Variants in NFIA observed in about 807,000 individuals in gnomAD.
NFIA encodes nuclear factor 1 A-type.
In NFIA, 8 loss-of-function variants were observed where a neutral mutation model predicts 62.8. That is an observed-to-expected ratio of 0.13 (90% confidence interval 0.07 to 0.23). The LOEUF (loss-of-function observed/expected upper bound fraction) is 0.23. Ranked by LOEUF, NFIA falls within the 10% of genes least tolerant of loss-of-function variation. NFIA has a pLI of 1.00. For synonymous variants in NFIA, 235 were observed against 238.1 expected, an observed-to-expected ratio of 0.99 and a Z score of 0.12; for missense variants, 410 against 642.1, an observed-to-expected ratio of 0.64 and a Z score of 3.91.
chr1:61,313,951 A>C (rs1660240908), intron 3 of NFIA, among the ~76,000 whole-genome samples: 1 of 152,242 alleles, frequency 6.6e-6, no homozygotes, highest in Non-Finnish European at 1.5e-5. Context: ...AAATTATAAT[A>C]TGTAATAGCA....
chr1:61,142,241 A>G (rs1436443537), intron 2 of NFIA, among the ~76,000 whole-genome samples: 3 of 152,208 alleles, frequency 2.0e-5, no homozygotes, highest in Non-Finnish European at 2.9e-5. Flanking sequence ...CAAATGAGAA[A>G]TTATGTTGCA....
rs138954244 is a variant in NFIA, at chr1:61,411,693, A to G, written c.1420+4966A>G. Among the ~76,000 whole-genome samples, 472 of 151,970 alleles carry G rather than the reference A, an allele frequency of 3.1e-3. 2 individuals are homozygous for G. The highest frequency in any genetic ancestry group is 0.011 in the African/African-American group (455 of 41,476). On this transcript the variant is annotated intron_variant, in intron 9 of 10. Transcript: ENST00000403491. ...GGTACGTAGGATATAAGATGGTGATATGTAAGTGCTACATAGGGAAATCAA... is the reference window on the plus strand; with the variant it reads ...GGTACGTAGGATATAAGATGGTGATGTGTAAGTGCTACATAGGGAAATCAA...
chr1:61,255,314 A>G (rs1412867694), intron 2 of NFIA, among the ~76,000 whole-genome samples: 1 of 152,188 alleles, frequency 6.6e-6, no homozygotes, highest in Non-Finnish European at 1.5e-5. Flanking sequence ...AATTGTCTGA[A>G]AGGAAGGCTC....
At chr1:61,205,998 C>T (rs570658118) in intron 2 of NFIA, among the ~76,000 whole-genome samples, 1 of 149,972 alleles carries the variant, frequency 6.7e-6, no homozygotes, top group Admixed American at 6.7e-5. Flanking sequence ...CTCACTACAC[C>T]CTGACCTCCC....
intron 3 of NFIA, among the ~76,000 whole-genome samples, chr1:61,280,400 G>T (rs1305439177): frequency 6.6e-6 from 1 of 152,130 alleles, no homozygotes; most frequent in Non-Finnish European, 1.5e-5. Flanking sequence ...TAACAGACTT[G>T]ATTCTTCAAA....
intron 2 of NFIA, among the ~76,000 whole-genome samples, chr1:61,176,188 C>T (rs949655329): frequency 6.6e-6 from 1 of 152,208 alleles, no homozygotes; most frequent in African/African-American, 2.4e-5. Flanking sequence ...ACTGCTGTGT[C>T]ACCTCTAGTG....
At chr1:61,256,567 C>T (rs1656412409) in intron 2 of NFIA, among the ~76,000 whole-genome samples, 1 of 152,034 alleles carries the variant, frequency 6.6e-6, no homozygotes, top group African/African-American at 2.4e-5. Flanking sequence ...TGGTTTAGTC[C>T]CTAAGTGTTG....
chr1:61,353,750 A>G (rs1569577852), intron 5 of NFIA, among the ~76,000 whole-genome samples: 1 of 152,234 alleles, frequency 6.6e-6, no homozygotes, highest in African/African-American at 2.4e-5. Flanking sequence ...TTCCCTTAAT[A>G]TAACTATCAA....
At chr1:61,346,239 T>A (rs1007273113) in intron 4 of NFIA, among the ~76,000 whole-genome samples, 1 of 152,202 alleles carries the variant, frequency 6.6e-6, no homozygotes, top group African/African-American at 2.4e-5. Context: ...GGCAGTGCTG[T>A]GCTTGGTCCA....
intron 4 of NFIA, among the ~76,000 whole-genome samples, chr1:61,336,774 T>C (rs1429269752): frequency 6.6e-6 from 1 of 152,210 alleles, no homozygotes; most frequent in African/African-American, 2.4e-5. Context: ...CTGACTGTTT[T>C]GCAGATTTCT....
intron 10 of NFIA, among the ~76,000 whole-genome samples, chr1:61,451,105 C>G (rs760292187): frequency 1.1e-4 from 16 of 152,238 alleles, no homozygotes; most frequent in Non-Finnish European, 1.9e-4. Flanking sequence ...GAGATTGGCA[C>G]CGTCAGAGGT....
At chr1:61,288,185 G>A (rs1658630964) in intron 3 of NFIA, among the ~76,000 whole-genome samples, 1 of 152,114 alleles carries the variant, frequency 6.6e-6, no homozygotes, top group Non-Finnish European at 1.5e-5. Flanking sequence ...TCCAGTTACT[G>A]GCAGACCATT....
At chr1:61,311,126 T>C (rs979155194) in intron 3 of NFIA, among the ~76,000 whole-genome samples, 1 of 152,208 alleles carries the variant, frequency 6.6e-6, no homozygotes, top group Non-Finnish European at 1.5e-5. Context: ...GTGCAGTGGC[T>C]CACGCCTATA....
At chr1:61,368,040 G>A (rs775542944) in intron 6 of NFIA, among the ~76,000 whole-genome samples, 10 of 152,200 alleles carry the variant, frequency 6.6e-5, no homozygotes, top group Non-Finnish European at 1.2e-4. Flanking sequence ...GCGTTGCTCC[G>A]CTTGCATCGG....
At chr1:61,408,685 A>G (rs566111627) in intron 9 of NFIA, among the ~76,000 whole-genome samples, 1 of 152,364 alleles carries the variant, frequency 6.6e-6, no homozygotes, top group Admixed American at 6.5e-5. Context: ...GAGGCACAGC[A>G]GAAGAGTGGA....
At chr1:61,220,388 C>T (rs1208410656) in intron 2 of NFIA, among the ~76,000 whole-genome samples, 1 of 152,172 alleles carries the variant, frequency 6.6e-6, no homozygotes, top group Non-Finnish European at 1.5e-5. Context: ...GGAGAAGTTA[C>T]TCGCTACTTT....
intron 9 of NFIA, among the ~76,000 whole-genome samples, chr1:61,412,638 G>T (rs1301045386): frequency 6.6e-6 from 1 of 152,194 alleles, no homozygotes; most frequent in Non-Finnish European, 1.5e-5. Context: ...TTATGTTTGA[G>T]ATGCCTATTA....
chr1:61,149,889 C>T (rs1265076008), intron 2 of NFIA, among the ~76,000 whole-genome samples: 1 of 152,018 alleles, frequency 6.6e-6, no homozygotes, highest in Non-Finnish European at 1.5e-5. Context: ...GCTATAAGCC[C>T]TTCAGTGTTT....
chr1:61,310,435 T>C (rs35998452), intron 3 of NFIA, among the ~76,000 whole-genome samples: 9,680 of 152,208 alleles, frequency 0.064, 324 homozygotes, highest in South Asian at 0.12. Context: ...CTTGGACAAG[T>C]AGAGGCTCTC....
Sources: allele counts gnomAD v4.1 joint callset (sites outside exome capture counted in the v4.1 genomes callset), GRCh38; gene constraint gnomAD v4.1.1; transcripts MANE v1.5; gene names NCBI Gene and HGNC (gene_info 2026-07-23, HGNC 2026-07-21).